NEDD4L: variants seen among roughly 807,000 people sequenced by gnomAD.
The protein encoded by NEDD4L is NEDD4 like E3 ubiquitin protein ligase.
NEDD4L carries 54 observed loss-of-function variants against 148.9 expected under a neutral mutation model. That is an observed-to-expected ratio of 0.36 (90% CI 0.29 to 0.45). NEDD4L has a LOEUF of 0.45. NEDD4L is among the 20% of genes least tolerant of loss of function. The pLI is 1.00. For synonymous variants in NEDD4L, 433 were observed against 440.7 expected, an observed-to-expected ratio of 0.98 and a Z score of 0.22; for missense variants, 856 against 1,233.8, an observed-to-expected ratio of 0.69 and a Z score of 4.59.
intron 2 of NEDD4L, among the ~76,000 whole-genome samples, chr18:58,225,585 A>G (rs1230716911): frequency 6.6e-6 from 1 of 152,258 alleles, no homozygotes; most frequent in Non-Finnish European, 1.5e-5. Context: ...TGGCAAATGC[A>G]CCAGTTAGAG....
chr18:58,355,958 C>T (rs922494008), intron 18 of NEDD4L, among the ~76,000 whole-genome samples: 2 of 152,136 alleles, frequency 1.3e-5, no homozygotes, highest in Non-Finnish European at 2.9e-5. Context: ...ATATTCTTCC[C>T]CTGCACTCCC....
intron 1 of NEDD4L, among the ~76,000 whole-genome samples, chr18:58,146,571 G>C (rs889535787): frequency 3.3e-5 from 5 of 152,208 alleles, no homozygotes; most frequent in African/African-American, 1.2e-4. Context: ...GTAGGGTTCA[G>C]CCCTGGCCCT....
At chr18:58,390,378 T>C (rs1239832298) in intron 28 of NEDD4L, 1 of 342,238 alleles carries the variant, frequency 2.9e-6, no homozygotes, top group African/African-American at 2.1e-5. Flanking sequence ...AAACATGAGC[T>C]TGGTGCCATC....
At chr18:58,387,304 A>G in intron 26 of NEDD4L, 135 bp from the exon 27 acceptor site, 1 of 992,846 alleles carries the variant, frequency 1.0e-6, no homozygotes, top group Non-Finnish European at 1.4e-6. Context: ...TAGTTACTTG[A>G]TACTGTCACT....
intron 5 of NEDD4L, among the ~76,000 whole-genome samples, chr18:58,305,562 T>C (rs1440507953): frequency 6.6e-6 from 1 of 152,158 alleles, no homozygotes; most frequent in East Asian, 1.9e-4. Flanking sequence ...AAAGAGTGAG[T>C]TGGGCCCTGT....
chr18:58,195,601 G>A (rs1233092143), intron 2 of NEDD4L: 1 of 1,343,852 alleles, frequency 7.4e-7, no homozygotes, highest in Non-Finnish European at 9.8e-7. Flanking sequence ...TTGGTTACCT[G>A]GCCGGGAGCT....
chr18:58,246,515 A>C (rs930074678), intron 3 of NEDD4L, among the ~76,000 whole-genome samples: 4 of 152,186 alleles, frequency 2.6e-5, no homozygotes, highest in African/African-American at 4.8e-5. Flanking sequence ...CCCAAGCTGG[A>C]GTGCAGTGGC....
At chr18:58,339,052 A>G (rs1255627798) in intron 13 of NEDD4L, among the ~76,000 whole-genome samples, 1 of 152,002 alleles carries the variant, frequency 6.6e-6, no homozygotes, top group Non-Finnish European at 1.5e-5. Flanking sequence ...AGATTGAGTA[A>G]CTGCAAAAAT....
chr18:58,122,850 C>T (rs544998103), intron 1 of NEDD4L, among the ~76,000 whole-genome samples: 4 of 152,206 alleles, frequency 2.6e-5, no homozygotes, highest in Non-Finnish European at 4.4e-5. Flanking sequence ...ATTCTCCTGC[C>T]TCAGCCCCCT....
intron 2 of NEDD4L, among the ~76,000 whole-genome samples, chr18:58,185,262 G>T (rs1262553311): frequency 6.6e-6 from 1 of 152,138 alleles, no homozygotes; most frequent in African/African-American, 2.4e-5. Context: ...TTGGTAGGGA[G>T]CTTGGAATTA....
At chr18:58,119,583 G>A (rs560193767) in intron 1 of NEDD4L, among the ~76,000 whole-genome samples, 1 of 152,338 alleles carries the variant, frequency 6.6e-6, no homozygotes, top group South Asian at 2.1e-4. Flanking sequence ...CGCAGAAATT[G>A]CTGGTGAATG....
chr18:58,215,793 T>G (rs1424954080), intron 2 of NEDD4L, among the ~76,000 whole-genome samples: 3 of 152,272 alleles, frequency 2.0e-5, no homozygotes, highest in African/African-American at 7.2e-5. Flanking sequence ...TTTTAGTTGT[T>G]TTTTAGGAGA....
At chr18:58,255,421 C>T (rs1263772936) in intron 5 of NEDD4L, 14 of 999,764 alleles carry the variant, frequency 1.4e-5, no homozygotes, top group Non-Finnish European at 1.8e-5. Context: ...TACCCTCTGT[C>T]ACAGTGTGGA....
At chr18:58,171,691 G>T (rs1431368663) in intron 2 of NEDD4L, among the ~76,000 whole-genome samples, 1 of 152,244 alleles carries the variant, frequency 6.6e-6, no homozygotes, top group East Asian at 1.9e-4. Flanking sequence ...CCTGGAGGAA[G>T]GGGTACTTTT....
intron 1 of NEDD4L, among the ~76,000 whole-genome samples, chr18:58,104,414 C>T (rs916692474): frequency 6.6e-6 from 1 of 152,136 alleles, no homozygotes; most frequent in Non-Finnish European, 1.5e-5. Context: ...TTTGCAACCA[C>T]GCGGACGTGG....
At chr18:58,119,240 T>C (rs2086067381) in intron 1 of NEDD4L, among the ~76,000 whole-genome samples, 1 of 151,962 alleles carries the variant, frequency 6.6e-6, no homozygotes, top group South Asian at 2.1e-4. Flanking sequence ...CCATGGAGAG[T>C]GGAAGCCTGG....
At chr18:58,222,179 A>G (rs2043846412) in intron 2 of NEDD4L, among the ~76,000 whole-genome samples, 1 of 152,174 alleles carries the variant, frequency 6.6e-6, no homozygotes, top group Non-Finnish European at 1.5e-5. Flanking sequence ...GGAGGAAAGA[A>G]TTGTGTTTTC....
At chr18:58,080,501 C>T (rs550051621) in intron 1 of NEDD4L, among the ~76,000 whole-genome samples, 2 of 152,316 alleles carry the variant, frequency 1.3e-5, no homozygotes, top group South Asian at 4.1e-4. Flanking sequence ...GCTATATATT[C>T]ATTAGCTGGA....
intron 13 of NEDD4L, chr18:58,335,944 C>T (rs2041694566): frequency 5.7e-6 from 1 of 174,570 alleles, no homozygotes; most frequent in Admixed American, 5.9e-5. Flanking sequence ...TGGATGTGCC[C>T]AGGGCCCTTC....
Sources: allele counts gnomAD v4.1 joint callset (sites outside exome capture counted in the v4.1 genomes callset), GRCh38; gene constraint gnomAD v4.1.1; transcripts MANE v1.5; gene names NCBI Gene and HGNC (gene_info 2026-07-23, HGNC 2026-07-21).